Variants in ACTN1 observed in about 807,000 individuals in gnomAD.
The protein encoded by ACTN1 is actinin alpha 1.
In ACTN1, 30 loss-of-function variants were observed where a neutral mutation model predicts 119.6. The observed-to-expected ratio is 0.25, with a 90% confidence interval of 0.19 to 0.34. The LOEUF is 0.34. ACTN1 is among the 10% of genes least tolerant of loss of function. The pLI, the probability that ACTN1 is intolerant of heterozygous loss-of-function variation, is 1.00. For synonymous variants in ACTN1, 429 were observed against 472.6 expected, an observed-to-expected ratio of 0.91 and a Z score of 1.20; for missense variants, 764 against 1,223.4, an observed-to-expected ratio of 0.62 and a Z score of 5.60.
rs1433312585 is a variant in ACTN1 at position 68,878,853 on chromosome 14, C to A, written c.2361+136G>T. 4 of 1,595,846 alleles carry A rather than the reference C, an allele frequency of 2.5e-6. No individual in the cohort carries two copies. The highest frequency in any genetic ancestry group is 1.7e-5 in the Admixed American group (1 of 59,816). On this transcript the variant is annotated intron_variant, in intron 19 of 21. Coordinates refer to ENST00000394419, the MANE Select transcript of ACTN1 (RefSeq NM_001130004.2). This position sits in a 1 kb window ranked among gnomAD's most constrained non-coding sequence, Gnocchi z 4.4. ...GGACCAGTGATGGGGCAGACAGAGACAGCAGGAGAGGACGAGCCCCATGGC... is the reference window on the plus strand; with the variant it reads ...GGACCAGTGATGGGGCAGACAGAGAAAGCAGGAGAGGACGAGCCCCATGGC...
rs59714290 is a variant in ACTN1, at chr14:68,978,899, CGGGGCTGGGGGCTG to C, written c.105+39_105+52del. On this transcript the variant is annotated intron_variant, in intron 1 of 21. Transcript: ENST00000394419. Reference sequence around the variant, plus strand: ...CGAGAGCCCGGCAGGCAGAGCGGGTCGGGGCTGGGGGCTGGGGGCTGGGGGCTGCAGCGGGCGGG... The same window carrying C: ...CGAGAGCCCGGCAGGCAGAGCGGGTCGGGGCTGGGGGCTGCAGCGGGCGGG... The C allele has an allele frequency of 3.1e-5, 35 of 1,113,444 alleles. 2 individuals carry two copies. The South Asian group carries it at 3.2e-4, about 10-fold the overall frequency. 69.0% of individuals were successfully genotyped at this position (1,113,444 alleles called of 1,614,324 possible). A position where few individuals can be genotyped will look rare whatever the true frequency, so the allele number is the denominator to read the frequency against.
intron 4 of ACTN1, 101 bp from the exon 5 acceptor site, chr14:68,910,143 C>G (rs1471460868): frequency 1.2e-6 from 1 of 826,480 alleles, no homozygotes; most frequent in Admixed American, 2.4e-5. Flanking sequence ...GATGCCAACC[C>G]TGCAGCTACT....
chr14:68,882,011 C>T lies in ACTN1; in HGVS notation c.1953+447G>A, dbSNP rs1175834094. On this transcript the variant is annotated intron_variant, in intron 16 of 21. Transcript: ENST00000394419. The surrounding 1 kb of genome is among the most constrained non-coding windows in gnomAD (Gnocchi z 4.5). ...AGTGCAATGGCGTAATCTCAGCTCACTGCAATCTCCGTCTCCCGGGTTCAA... is the reference window on the plus strand; with the variant it reads ...AGTGCAATGGCGTAATCTCAGCTCATTGCAATCTCCGTCTCCCGGGTTCAA... Among the ~76,000 whole-genome samples, 2 of 141,142 alleles carry T rather than the reference C, an allele frequency of 1.4e-5. No homozygotes were observed. The highest frequency in any genetic ancestry group is 2.1e-4 in the East Asian group (1 of 4,850). 92.6% of individuals were successfully genotyped at this position (141,142 alleles called of 152,430 possible).
Position 68,925,632 on chromosome 14 carries a change from C to T in ACTN1, c.146G>A (p.Gly49Glu), listed in dbSNP as rs752969920. 6.2e-6 allele frequency: 10 copies of T among 1,613,132 alleles called. No homozygotes were observed. The highest frequency in any genetic ancestry group is 7.6e-6 in the Non-Finnish European group (9 of 1,179,592). ...AWCNSHLRKAGTQIENIEEDF... is the reference protein window; with the variant it reads ...AWCNSHLRKAETQIENIEEDF... ...CTCTTCGATGTTCTCGATCTGTGTC[C>T]CCGCCTTCCGGAGGTGGGAGTTACA... is the stretch of plus-strand genomic sequence containing the variant. Residue 49 changes from glycine (G) to glutamate (E), a missense_variant, in exon 2 of 22, where the codon GGG becomes GAG. Coordinates refer to ENST00000394419, the MANE Select transcript of ACTN1 (RefSeq NM_001130004.2). The surrounding 1 kb of genome is among the most constrained non-coding windows in gnomAD (Gnocchi z 4.3).
intron 1 of ACTN1, among the ~76,000 whole-genome samples, chr14:68,972,004 T>C (rs1802404767): frequency 6.6e-6 from 1 of 152,004 alleles, no homozygotes. Context: ...TTCCCCTGCC[T>C]ACAACCCTAA....
chr14:68,914,699 C>T (rs1270092258), intron 3 of ACTN1, among the ~76,000 whole-genome samples: 3 of 152,024 alleles, frequency 2.0e-5, no homozygotes, highest in African/African-American at 7.3e-5. Context: ...AGCCCAGGAG[C>T]TCAAGGTTGC....
chr14:68,880,146 C>T lies in ACTN1; in HGVS notation c.2134-38G>A, dbSNP rs558064959. On this transcript the variant is annotated intron_variant, in intron 17 of 21. Transcript: ENST00000394419. The surrounding 1 kb of genome is among the most constrained non-coding windows in gnomAD (Gnocchi z 4.6). ...AAGGGGCCTGTCAGCAAAGGGGTCCCAGGCCTGGGCTCCTGGCGGCCCCTG... is the reference window on the plus strand; with the variant it reads ...AAGGGGCCTGTCAGCAAAGGGGTCCTAGGCCTGGGCTCCTGGCGGCCCCTG... The T allele has an allele frequency of 2.5e-6, 4 of 1,602,162 alleles. No individual in the cohort carries two copies. The South Asian group carries it at 4.4e-5, about 18-fold the overall frequency.
chr14:68,935,542 C>T (rs973534152), intron 1 of ACTN1, among the ~76,000 whole-genome samples: 5 of 151,952 alleles, frequency 3.3e-5, no homozygotes, highest in South Asian at 2.1e-4. Flanking sequence ...CGTGCCACCA[C>T]GCCCGGCTAA....
intron 1 of ACTN1, among the ~76,000 whole-genome samples, chr14:68,976,331 C>G (rs1239285388): frequency 2.0e-5 from 3 of 152,144 alleles, no homozygotes; most frequent in Admixed American, 2.0e-4. Context: ...CTTGTGGACT[C>G]TGGTCCCACA....
At chr14:68,881,955 T>TTTTTTTTTTTTGA (rs58500225) in intron 16 of ACTN1, among the ~76,000 whole-genome samples, 4,352 of 102,156 alleles carry the variant, frequency 0.043, 648 homozygotes, top group Admixed American at 0.058. Context: ...TTTTTTTTTT[T>TTTTTTTTTTTTGA]GACAGAGTCT....
At chr14:68,889,382 C>T (rs1286467687) in intron 11 of ACTN1, among the ~76,000 whole-genome samples, 1 of 152,218 alleles carries the variant, frequency 6.6e-6, no homozygotes, top group Non-Finnish European at 1.5e-5. Context: ...AGCCTCACAA[C>T]AACCCATGAG....
At position 68,892,063 on chromosome 14, in the gene ACTN1, C is replaced by T. The variant is rs774393179; in HGVS notation, c.1076G>A (p.Arg359Lys). Residue 359 changes from arginine to lysine, a missense_variant, in exon 10 of 22, where the codon AGG becomes AAG. Physicochemically the swap from Arg to Lys is conservative, Grantham distance 26. Around this residue, in one of 4 missense-constraint regions of ACTN1, gnomAD observed 544 missense variants for 912.0 expected, o/e 0.60. Coordinates refer to ENST00000394419, the MANE Select transcript of ACTN1 (RefSeq NM_001130004.2). The stretch of plus-strand genomic sequence containing the variant: ...ACCCCCAGTGCTCACCGAGACCATC[C>T]TGCCCTCAGAGGGCATGAAGGCAGG... Reference protein sequence around the residue: ...NRPAFMPSEGRMVSDINNAWG... With the variant: ...NRPAFMPSEGKMVSDINNAWG... 2.5e-6 allele frequency: 4 copies of T among 1,613,690 alleles called. No homozygotes were observed. In the Admixed American group the frequency reaches 5.0e-5, roughly 20 times the overall value.
rs1232862734 is a variant in ACTN1, at chr14:68,884,819, C to T, written c.1450G>A (p.Asp484Asn). Reference sequence around the variant, plus strand: ...TTCTGAGTTAGGGCCCCCAGATTGTCCCACTGGTCACAGATCTTTTGGCAA... The same window carrying T: ...TTCTGAGTTAGGGCCCCCAGATTGTTCCACTGGTCACAGATCTTTTGGCAA... ...ARCQKICDQW[D>N]NLGALTQKRR... The change falls in exon 13 of 22, where the codon GAC becomes AAC. Residue 484 changes from aspartate (D) to asparagine (N), a missense_variant. Physicochemically the swap from Asp to Asn is conservative, Grantham distance 23. Around this residue, in one of 4 missense-constraint regions of ACTN1, gnomAD observed 544 missense variants for 912.0 expected, o/e 0.60. Coordinates refer to ENST00000394419, the MANE Select transcript of ACTN1 (RefSeq NM_001130004.2). 1.2e-6 allele frequency: 2 copies of T among 1,614,194 alleles called. No individual in the cohort carries two copies. Among genetic ancestry groups the T allele is most frequent in the African/African-American group, 2.7e-5 (2 of 75,058 alleles).
chr14:68,935,035 T>C (rs2035420909), intron 1 of ACTN1, among the ~76,000 whole-genome samples: 1 of 152,228 alleles, frequency 6.6e-6, no homozygotes. Context: ...TTTTTGTTTT[T>C]TTTTAAGATG....
intron 1 of ACTN1, among the ~76,000 whole-genome samples, chr14:68,937,060 C>A (rs1263214211): frequency 6.6e-6 from 1 of 152,106 alleles, no homozygotes; most frequent in African/African-American, 2.4e-5. Context: ...CTCCTCCTTC[C>A]TTTTTCCCTT....
At chr14:68,907,627 G>A (rs961518681) in intron 6 of ACTN1, among the ~76,000 whole-genome samples, 3 of 152,122 alleles carry the variant, frequency 2.0e-5, no homozygotes, top group African/African-American at 7.2e-5. Flanking sequence ...AGCAAAACAG[G>A]GAGAAACTGG....
intron 2 of ACTN1, 150 bp from the exon 3 acceptor site, chr14:68,921,275 G>A: frequency 4.3e-6 from 4 of 933,202 alleles, no homozygotes; most frequent in South Asian, 2.2e-5. Flanking sequence ...ACGCTGCTCA[G>A]GGGCTGGAGA....
chr14:68,902,998 T>C (rs900444057), intron 7 of ACTN1, among the ~76,000 whole-genome samples: 2 of 152,216 alleles, frequency 1.3e-5, no homozygotes, highest in Non-Finnish European at 2.9e-5. Flanking sequence ...GGGTATCACA[T>C]GGAATTATCA....
chr14:68,875,839 A>T (rs1009082005), intron 21 of ACTN1, among the ~76,000 whole-genome samples: 27 of 152,236 alleles, frequency 1.8e-4, no homozygotes, highest in Non-Finnish European at 3.7e-4. Flanking sequence ...TGGTTTGAGG[A>T]TCCTTCCAGC....
Sources: allele counts gnomAD v4.1 joint callset (sites outside exome capture counted in the v4.1 genomes callset), GRCh38; gene constraint gnomAD v4.1.1; regional missense constraint gnomAD v4.1.1; non-coding constraint Gnocchi (gnomAD v3.1); transcripts MANE v1.5; gene names NCBI Gene and HGNC (gene_info 2026-07-23, HGNC 2026-07-21).